GPAM: variants seen among roughly 807,000 people sequenced by gnomAD.
The protein encoded by GPAM is glycerol-3-phosphate acyltransferase 1, mitochondrial.
Under a neutral mutation model 105.0 loss-of-function variants are expected in GPAM, and 56 were observed. That is an observed-to-expected ratio of 0.53 (90% CI 0.43 to 0.67). The LOEUF (loss-of-function observed/expected upper bound fraction) is 0.67. Among genes scored for constraint, GPAM ranks in the 30% least tolerant of loss-of-function variants. The pLI, the probability that GPAM is intolerant of heterozygous loss-of-function variation, is 0.00. For missense variants in GPAM, 855 were observed against 989.8 expected (o/e 0.86, Z 1.83); for synonymous variants, 368 against 354.4 (o/e 1.04, Z -0.43).
the GPAM span, among the ~76,000 whole-genome samples, chr10:112,226,900 T>C: frequency 1.3e-5 from 2 of 152,036 alleles, no homozygotes; most frequent in Non-Finnish European, 2.9e-5. Flanking sequence ...GCTTAGATTA[T>C]AGTGCAGCAG....
Position 112,154,952 on chromosome 10 carries a change from T to C in GPAM, c.2312-265A>G, listed in dbSNP as rs972608691. The stretch of plus-strand genomic sequence containing the variant: ...AGAAAAGAGGGTGTAGAGAGAGAAA[T>C]AGGGAGAACAGAGGGAAGTAGAAAT... On this transcript the variant is annotated intron_variant, in intron 20 of 21. Transcript: ENST00000348367. 64 of 540,936 alleles carry C rather than the reference T, an allele frequency of 1.2e-4. 1 individual carries two copies. The highest frequency in any genetic ancestry group is 9.9e-4 in the South Asian group (48 of 48,524). 33.5% of individuals were successfully genotyped at this position (540,936 alleles called of 1,614,324 possible).
chr10:112,154,709 C>A, intron 20 of GPAM, 22 bp from the exon 21 acceptor site: 1 of 1,541,692 alleles, frequency 6.5e-7, no homozygotes. Flanking sequence ...GAATAAAACC[C>A]TGTCAAATGG....
Position 112,156,229 on chromosome 10 carries a change from C to T in GPAM, c.2122-176G>A, listed in dbSNP as rs1847015949. On this transcript the variant is annotated intron_variant, in intron 19 of 21. Coordinates refer to ENST00000348367, the MANE Select transcript of GPAM (RefSeq NM_001244949.2). ...AGAGAATCTCTGCTGGAAACAACTG[C>T]TGGCTTTCAAACACATTCTTTATTG... The T allele has an allele frequency of 7.8e-6, 5 of 643,278 alleles. No individual in the cohort carries two copies. The East Asian group carries it at 1.1e-4, about 14-fold the overall frequency. 39.8% of individuals were successfully genotyped at this position (643,278 alleles called of 1,614,324 possible).
intron 2 of GPAM, 132 bp from the exon 3 acceptor site, chr10:112,181,945 G>T: frequency 1.6e-6 from 1 of 626,740 alleles, no homozygotes; most frequent in South Asian, 1.8e-5. Context: ...CTACCATGTT[G>T]AGTCACAAGG....
At chr10:112,210,122 G>A (rs1013785544) in intron 1 of GPAM, among the ~76,000 whole-genome samples, 3 of 152,250 alleles carry the variant, frequency 2.0e-5, no homozygotes, top group African/African-American at 4.8e-5. Context: ...CCAGTACCAC[G>A]TGGTGGGAAT....
chr10:112,209,383 G>A (rs1474251140), intron 1 of GPAM, among the ~76,000 whole-genome samples: 1 of 151,834 alleles, frequency 6.6e-6, no homozygotes, highest in Non-Finnish European at 1.5e-5. Context: ...GTAGTGGAAG[G>A]GGCCCCACCC....
In GPAM at chr10:112,164,583, G is replaced by A; in HGVS notation, c.1249C>T (p.Pro417Ser). Residue 417 changes from proline (P) to serine (S), a missense_variant, in exon 13 of 22, where the codon CCG becomes TCG. Physicochemically the swap from Pro to Ser is moderately conservative, Grantham distance 74. Coordinates refer to ENST00000348367, the MANE Select transcript of GPAM (RefSeq NM_001244949.2). The part of the protein sequence containing the change: ...KEYLESQSQK[P>S]VSALLSLEQA... ...TCCAGGGAAAGTAGAGCAGACACCGGTTTCTGACTTTGGCTTTCTAAATAT... is the reference window on the plus strand; with the variant it reads ...TCCAGGGAAAGTAGAGCAGACACCGATTTCTGACTTTGGCTTTCTAAATAT... The A allele has an allele frequency of 6.2e-7, 1 of 1,604,872 alleles. No individual in the cohort carries two copies. The highest frequency in any genetic ancestry group is 1.1e-5 in the South Asian group (1 of 90,908).
In GPAM at chr10:112,150,526, C is replaced by T. The variant is rs1212036120; in HGVS notation, c.*3024G>A. The T allele has an allele frequency of 2.3e-5, 23 of 985,702 alleles. No individual in the cohort carries two copies. In the South Asian group the frequency reaches 5.2e-4, roughly 22 times the overall value. The allele number at this position is 985,702 out of a possible 1,614,324, so 61.1% of individuals were successfully genotyped here. ...AATGCATGCATATTCTGCCCCAGTG[C>T]TATCTGTTCATTACCGTTTTGTCTC... On this transcript the variant is annotated 3_prime_UTR_variant, in exon 22 of 22. Transcript: ENST00000348367.
At chr10:112,169,018 T>A (rs1847268233) in intron 9 of GPAM, 66 bp from the exon 10 acceptor site, 1 of 1,086,454 alleles carries the variant, frequency 9.2e-7, no homozygotes, top group African/African-American at 1.5e-5. Flanking sequence ...ACATTCCAAG[T>A]TAATTGAAAA....
chr10:112,209,307 T>C (rs1156869649), intron 1 of GPAM, among the ~76,000 whole-genome samples: 1 of 151,534 alleles, frequency 6.6e-6, no homozygotes, highest in Non-Finnish European at 1.5e-5. Flanking sequence ...GCTTCACGGA[T>C]CCATGCAATC....
chr10:112,211,738 C>T (rs1421706985), intron 1 of GPAM, among the ~76,000 whole-genome samples: 2 of 152,310 alleles, frequency 1.3e-5, no homozygotes, highest in African/African-American at 2.4e-5. Context: ...AGAATCTGTA[C>T]TCTCAAAGTA....
At chr10:112,183,847 C>G (rs1847555495), upstream of GPAM, 1 of 152,314 alleles carries the variant, frequency 6.6e-6, no homozygotes, top group South Asian at 2.1e-4. Flanking sequence ...GGCCTGCGAG[C>G]CTCAGGGAGC....
intron 13 of GPAM, among the ~76,000 whole-genome samples, chr10:112,164,306 T>C (rs902741834): frequency 1.3e-5 from 2 of 152,210 alleles, no homozygotes; most frequent in African/African-American, 4.8e-5. Context: ...AGAACTCCTA[T>C]ATGAGTCACA....
chr10:112,226,162 G>T, the GPAM span, among the ~76,000 whole-genome samples: 1 of 152,194 alleles, frequency 6.6e-6, no homozygotes, highest in Non-Finnish European at 1.5e-5. Context: ...AAGTCATCTA[G>T]TTTGGGTTTC....
intron 12 of GPAM, among the ~76,000 whole-genome samples, chr10:112,165,518 C>T (rs1160782645): frequency 1.3e-5 from 2 of 152,184 alleles, no homozygotes; most frequent in African/African-American, 2.4e-5. Flanking sequence ...GGTGAAACCC[C>T]GTCTCTACTA....
chr10:112,185,405 A>T (rs1193813971), upstream of GPAM, among the ~76,000 whole-genome samples: 1 of 152,112 alleles, frequency 6.6e-6, no homozygotes, highest in African/African-American at 2.4e-5. Flanking sequence ...GGACATTAAG[A>T]AAGTAATTAT....
intron 10 of GPAM, 99 bp from the exon 11 acceptor site, chr10:112,168,623 T>A: frequency 1.2e-6 from 1 of 830,772 alleles, no homozygotes. Context: ...GAAAAAACGA[T>A]AACTTCACTA....
At position 112,150,540 on chromosome 10, in the gene GPAM, C is replaced by A; in HGVS notation, c.*3010G>T. ...CTGCCCCAGTGCTATCTGTTCATTACCGTTTTGTCTCCTTAAAGAACTATC... is the reference window on the plus strand; with the variant it reads ...CTGCCCCAGTGCTATCTGTTCATTAACGTTTTGTCTCCTTAAAGAACTATC... On this transcript the variant is annotated 3_prime_UTR_variant, in exon 22 of 22. Transcript: ENST00000348367. 2.0e-6 allele frequency: 2 copies of A among 985,542 alleles called. No individual in the cohort carries two copies. The highest frequency in any genetic ancestry group is 9.4e-5 in the South Asian group (2 of 21,278). The allele number at this position is 985,542 out of a possible 1,614,324, so 61.0% of individuals were successfully genotyped here.
At chr10:112,185,212 G>A (rs1363771190), upstream of GPAM, among the ~76,000 whole-genome samples, 1 of 151,980 alleles carries the variant, frequency 6.6e-6, no homozygotes, top group African/African-American at 2.4e-5. Context: ...AAGTGTCCCA[G>A]AGCAAAGCAC....
Sources: gnomAD v4.1 joint callset for allele counts (sites outside exome capture counted in the v4.1 genomes callset) on GRCh38, gnomAD v4.1.1 for gene constraint, MANE v1.5 for transcripts, NCBI Gene and HGNC (gene_info 2026-07-23, HGNC 2026-07-21) for gene names.